Variants in PARD3B observed in about 807,000 individuals in gnomAD.
PARD3B encodes partitioning defective 3 homolog B.
A neutral mutation model predicts 130.2 loss-of-function variants in PARD3B; 103 were observed. That is an observed-to-expected ratio of 0.79 (90% CI 0.67 to 0.93). The LOEUF is 0.93. Ranked by LOEUF, PARD3B falls within the 40% of genes least tolerant of loss-of-function variation. The pLI is 0.00. For synonymous variants in PARD3B, 583 were observed against 553.2 expected (o/e 1.05, Z -0.76); for missense variants, 1,609 against 1,499.2 (o/e 1.07, Z -1.21).
chr2:204,998,406 GTATATATATGTATATA>G (rs1694496265), intron 3 of PARD3B, among the ~76,000 whole-genome samples: 5 of 55,494 alleles, frequency 9.0e-5, no homozygotes, highest in Non-Finnish European at 1.4e-4. Flanking sequence ...GTATATATGT[GTATATATATGTATATA>G]TGTGTATATA....
At position 205,057,593 on chromosome 2, in the gene PARD3B, A is replaced by G; in HGVS notation, c.504+9903A>G. 1.8e-5 allele frequency among the ~76,000 whole-genome samples: 2 copies of G among 112,564 alleles called. 1 individual carries two copies. The allele number at this position is 112,564 out of a possible 152,430, so 73.8% of individuals were successfully genotyped here. ...TGTATATGTGTATGTGTATACGTAT[A>G]TATACATATATGTGTATGTGTATGT... On this transcript the variant is annotated intron_variant, in intron 4 of 22. Coordinates refer to ENST00000406610, the MANE Select transcript of PARD3B (RefSeq NM_001302769.2).
chr2:204,947,343 G>GT (rs1377769891), intron 2 of PARD3B, among the ~76,000 whole-genome samples: 6 of 152,172 alleles, frequency 3.9e-5, no homozygotes, highest in African/African-American at 1.4e-4. Context: ...TATTCATGGA[G>GT]TAAGTGTAGA....
intron 1 of PARD3B, among the ~76,000 whole-genome samples, chr2:204,613,161 A>C (rs2033990238): frequency 6.8e-6 from 1 of 147,948 alleles, no homozygotes; most frequent in South Asian, 2.1e-4. Context: ...GATTCTCAGG[A>C]GATATATTTT....
chr2:204,833,254 G>A (rs1018840263), intron 2 of PARD3B, among the ~76,000 whole-genome samples: 4 of 152,108 alleles, frequency 2.6e-5, no homozygotes, highest in Admixed American at 2.6e-4. Context: ...ATCTTTGAAT[G>A]TTATAGCTGG....
At chr2:204,910,084 G>A (rs1019776505) in intron 2 of PARD3B, among the ~76,000 whole-genome samples, 2 of 152,102 alleles carry the variant, frequency 1.3e-5, no homozygotes, top group Admixed American at 6.5e-5. Flanking sequence ...AAGATGTTCC[G>A]AGTAAAATGT....
intron 1 of PARD3B, among the ~76,000 whole-genome samples, chr2:204,577,891 G>A (rs1357885128): frequency 6.6e-6 from 1 of 152,132 alleles, no homozygotes; most frequent in Non-Finnish European, 1.5e-5. Flanking sequence ...TTAAATGATG[G>A]TTTGTAAAGA....
chr2:205,220,840 C>T (rs777476241), intron 15 of PARD3B, among the ~76,000 whole-genome samples: 21 of 152,150 alleles, frequency 1.4e-4, no homozygotes, highest in Non-Finnish European at 2.8e-4. Context: ...GTTCCAAAAC[C>T]TTGAGGAGGG....
chr2:204,625,114 A>G lies in PARD3B; in HGVS notation c.121-61067A>G, dbSNP rs545452084. On this transcript the variant is annotated intron_variant, in intron 1 of 22. Transcript: ENST00000406610. ...GAGAGGTATTTTTATATTCTAGATG[A>G]GTCCTTTGTAAGATATACGGTTTGG... Among the ~76,000 whole-genome samples the G allele has an allele frequency of 2.6e-5, 4 of 152,148 alleles. No homozygotes were observed. The East Asian group carries it at 7.7e-4, about 29-fold the overall frequency.
At chr2:204,919,094 T>A (rs2047565620) in intron 2 of PARD3B, among the ~76,000 whole-genome samples, 1 of 152,220 alleles carries the variant, frequency 6.6e-6, no homozygotes, top group Admixed American at 6.5e-5. Context: ...TGAACTTTAT[T>A]TGCTTTATTA....
chr2:205,060,156 C>T (rs1699982540), intron 4 of PARD3B, among the ~76,000 whole-genome samples: 2 of 152,020 alleles, frequency 1.3e-5, no homozygotes, highest in South Asian at 4.1e-4. Flanking sequence ...CATTATGCTG[C>T]CATTGCTTTG....
In PARD3B at chr2:205,300,702, C is replaced by G. The variant is rs1160188192; in HGVS notation, c.2358C>G (p.Asp786Glu). ...ATGAGAGCTTTAGAGCAGCCATTGA[C>G]AAATCCTACGATGGACCTGAAGAAA... is the stretch of plus-strand genomic sequence containing the variant. Reference protein sequence around the residue: ...GCNESFRAAIDKSYDGPEEIE... With the variant: ...GCNESFRAAIEKSYDGPEEIE... The change falls in exon 17 of 23, where the codon GAC becomes GAG. Residue 786 changes from aspartate to glutamate, a missense_variant. Asp to Glu is a conservative substitution (Grantham distance 45). Coordinates refer to ENST00000406610, the MANE Select transcript of PARD3B (RefSeq NM_001302769.2). The surrounding 1 kb of genome is among the most constrained non-coding windows in gnomAD (Gnocchi z 4.1). The G allele has an allele frequency of 1.2e-6, 2 of 1,613,592 alleles. No homozygotes were observed. The highest frequency in any genetic ancestry group is 1.7e-5 in the Admixed American group (1 of 59,988).
At chr2:204,646,615 C>T (rs58858166) in intron 1 of PARD3B, among the ~76,000 whole-genome samples, 48,449 of 151,838 alleles carry the variant, frequency 0.32, 10,677 homozygotes, top group African/African-American at 0.63. Context: ...TGTGTACATA[C>T]ATTATCTTCC....
At chr2:204,998,227 G>A (rs886463300) in intron 3 of PARD3B, among the ~76,000 whole-genome samples, 7 of 147,068 alleles carry the variant, frequency 4.8e-5, no homozygotes, top group Non-Finnish European at 7.4e-5. Context: ...TAGATGATGG[G>A]TTGGTGGGTG....
chr2:204,948,414 A>G (rs1689503272), intron 2 of PARD3B, among the ~76,000 whole-genome samples: 1 of 152,238 alleles, frequency 6.6e-6, no homozygotes, highest in Non-Finnish European at 1.5e-5. Flanking sequence ...TTTTGGACCT[A>G]CATTTGTCAA....
chr2:205,425,453 G>A (rs780387926), intron 19 of PARD3B, among the ~76,000 whole-genome samples: 2 of 150,588 alleles, frequency 1.3e-5, no homozygotes, highest in South Asian at 2.1e-4. Context: ...GCAATGGAAA[G>A]ATACTCAAGG....
At chr2:205,240,596 A>ATAAC (rs2039309149) in intron 15 of PARD3B, among the ~76,000 whole-genome samples, 1 of 152,196 alleles carries the variant, frequency 6.6e-6, no homozygotes. Context: ...CTAAAAAAGA[A>ATAAC]TAACTGTAGC....
chr2:205,067,283 C>T (rs1050079490), intron 4 of PARD3B, among the ~76,000 whole-genome samples: 6 of 151,732 alleles, frequency 4.0e-5, no homozygotes, highest in African/African-American at 1.2e-4. Context: ...TGCCTCAGCT[C>T]CTCAGTAGCT....
intron 3 of PARD3B, among the ~76,000 whole-genome samples, chr2:204,984,245 C>T (rs1177869583): frequency 2.6e-5 from 4 of 152,074 alleles, no homozygotes. Context: ...TGGACAAATA[C>T]TAGTAAATTG....
intron 5 of PARD3B, among the ~76,000 whole-genome samples, chr2:205,108,125 C>T (rs756086109): frequency 2.0e-4 from 30 of 152,168 alleles, no homozygotes; most frequent in African/African-American, 6.3e-4. Context: ...GACATTTCCC[C>T]ATGTTTTGAT....
Sources: gnomAD v4.1 joint callset for allele counts (sites outside exome capture counted in the v4.1 genomes callset) on GRCh38, gnomAD v4.1.1 for gene constraint, Gnocchi (gnomAD v3.1) non-coding constraint, MANE v1.5 for transcripts, NCBI Gene and HGNC (gene_info 2026-07-23, HGNC 2026-07-21) for gene names.